SH3RF3: variants seen among roughly 807,000 people sequenced by gnomAD.
The protein encoded by SH3RF3 is SH3 domain containing ring finger 3.
In SH3RF3, 29 loss-of-function variants were observed where a neutral mutation model predicts 66.3. That is an observed-to-expected ratio of 0.44 (90% CI 0.33 to 0.60). SH3RF3 has a LOEUF of 0.60. SH3RF3 is among the 20% of genes least tolerant of loss of function. The pLI is 0.04. For synonymous variants in SH3RF3, 583 were observed against 532.0 expected, an observed-to-expected ratio of 1.10 and a Z score of -1.32; for missense variants, 1,194 against 1,190.9, an observed-to-expected ratio of 1.00 and a Z score of -0.04.
At chr2:109,144,433 T>A (rs910886992) in intron 1 of SH3RF3, among the ~76,000 whole-genome samples, 2 of 152,236 alleles carry the variant, frequency 1.3e-5, no homozygotes, top group African/African-American at 4.8e-5. Context: ...CCATGACGTC[T>A]CTAGGTTTGT....
At chr2:109,353,154 G>GC (rs1682876339) in intron 2 of SH3RF3, among the ~76,000 whole-genome samples, 2 of 152,170 alleles carry the variant, frequency 1.3e-5, no homozygotes, top group Admixed American at 1.3e-4. Flanking sequence ...TGCCCACAAG[G>GC]CCCCACCTCA....
At chr2:109,267,464 C>T (rs1020755650) in intron 1 of SH3RF3, among the ~76,000 whole-genome samples, 1 of 152,214 alleles carries the variant, frequency 6.6e-6, no homozygotes, top group African/African-American at 2.4e-5. Flanking sequence ...GGCTGCTTTT[C>T]ATAAAGACAG....
intron 1 of SH3RF3, among the ~76,000 whole-genome samples, chr2:109,168,275 T>A (rs1456997670): frequency 6.6e-6 from 1 of 152,214 alleles, no homozygotes; most frequent in Non-Finnish European, 1.5e-5. Context: ...GTCTGACTGT[T>A]GGGAAATGAC....
chr2:109,427,538 T>A (rs1487041681), intron 5 of SH3RF3, among the ~76,000 whole-genome samples: 11 of 152,102 alleles, frequency 7.2e-5, no homozygotes, highest in Non-Finnish European at 1.5e-5. Context: ...CCCCAGAATC[T>A]CTAACAAGTT....
intron 2 of SH3RF3, among the ~76,000 whole-genome samples, chr2:109,356,068 A>G (rs775519408): frequency 1.3e-5 from 2 of 152,156 alleles, no homozygotes; most frequent in Non-Finnish European, 2.9e-5. Context: ...CCCAGCACTC[A>G]AACATTCCTC....
chr2:109,427,408 T>C (rs1677055606), intron 5 of SH3RF3, among the ~76,000 whole-genome samples: 1 of 152,190 alleles, frequency 6.6e-6, no homozygotes, highest in African/African-American at 2.4e-5. Flanking sequence ...TTTATTGCAA[T>C]ATTTGCTCTA....
intron 1 of SH3RF3, among the ~76,000 whole-genome samples, chr2:109,280,617 T>A (rs980522205): frequency 6.6e-6 from 1 of 152,206 alleles, no homozygotes; most frequent in Non-Finnish European, 1.5e-5. Flanking sequence ...CTAAAAACAA[T>A]CTACACTAAT....
chr2:109,196,208 GC>G (rs1257119308), intron 1 of SH3RF3, among the ~76,000 whole-genome samples: 1 of 152,196 alleles, frequency 6.6e-6, no homozygotes, highest in Non-Finnish European at 1.5e-5. Context: ...CACCCTTGAG[GC>G]CATGTCGGGG....
chr2:109,488,720 C>A (rs1401381183), intron 8 of SH3RF3, among the ~76,000 whole-genome samples: 1 of 152,196 alleles, frequency 6.6e-6, no homozygotes, highest in Non-Finnish European at 1.5e-5. Flanking sequence ...TCGGGAAACA[C>A]CACACTTTGA....
intron 2 of SH3RF3, among the ~76,000 whole-genome samples, chr2:109,365,431 C>T (rs974198049): frequency 4.6e-5 from 7 of 152,188 alleles, no homozygotes; most frequent in African/African-American, 1.4e-4. Context: ...TTGATCTCTT[C>T]AATTTGGGGG....
intron 1 of SH3RF3, among the ~76,000 whole-genome samples, chr2:109,323,563 C>T (rs1261304342): frequency 2.0e-5 from 3 of 152,152 alleles, no homozygotes; most frequent in South Asian, 2.1e-4. Context: ...AAGTCTGAGC[C>T]CCCAGCGAAG....
chr2:109,377,890 G>A (rs1291814855), intron 3 of SH3RF3, among the ~76,000 whole-genome samples: 11 of 152,198 alleles, frequency 7.2e-5, no homozygotes, highest in South Asian at 6.2e-4. Flanking sequence ...CTCTTGAGAC[G>A]TTTGGTGGTG....
chr2:109,351,246 GGGGCT>G (rs1448425172), intron 2 of SH3RF3, among the ~76,000 whole-genome samples: 5 of 152,194 alleles, frequency 3.3e-5, no homozygotes, highest in African/African-American at 1.2e-4. Context: ...TCACCCGGGA[GGGGCT>G]GGCCTTGGCA....
intron 4 of SH3RF3, among the ~76,000 whole-genome samples, chr2:109,410,826 A>C (rs1168408293): frequency 6.7e-6 from 1 of 148,164 alleles, no homozygotes; most frequent in Non-Finnish European, 1.5e-5. Flanking sequence ...ACAGGGCTGC[A>C]CTTGGCTTTG....
intron 1 of SH3RF3, among the ~76,000 whole-genome samples, chr2:109,272,946 A>G (rs914821046): frequency 2.7e-4 from 41 of 152,304 alleles, no homozygotes; most frequent in Admixed American, 2.0e-3. Flanking sequence ...AGGAATCACA[A>G]AGGACCCGTA....
At chr2:109,376,960 G>A (rs925942856) in intron 3 of SH3RF3, among the ~76,000 whole-genome samples, 11 of 152,376 alleles carry the variant, frequency 7.2e-5, no homozygotes, top group Non-Finnish European at 1.3e-4. Context: ...GATGGGGTGC[G>A]GAGCACCTGT....
At chr2:109,132,658 A>G (rs751707455) in intron 1 of SH3RF3, among the ~76,000 whole-genome samples, 3 of 152,216 alleles carry the variant, frequency 2.0e-5, no homozygotes, top group Non-Finnish European at 4.4e-5. Flanking sequence ...AAGTGTGTTC[A>G]TATGTGTTAC....
intron 4 of SH3RF3, among the ~76,000 whole-genome samples, chr2:109,414,377 T>G (rs149460592): frequency 1.4e-4 from 22 of 152,192 alleles, no homozygotes; most frequent in Non-Finnish European, 3.1e-4. Flanking sequence ...CTGCTTGATT[T>G]CTATAGTCTT....
intron 3 of SH3RF3, among the ~76,000 whole-genome samples, chr2:109,377,300 C>T (rs896912351): frequency 2.0e-5 from 3 of 152,134 alleles, no homozygotes; most frequent in African/African-American, 7.2e-5. Context: ...TGCTGGAGCA[C>T]GTGGTGAGCA....
Sources: allele counts gnomAD v4.1 joint callset (sites outside exome capture counted in the v4.1 genomes callset), GRCh38; gene constraint gnomAD v4.1.1; transcripts MANE v1.5; gene names NCBI Gene and HGNC (gene_info 2026-07-23, HGNC 2026-07-21).